RANBP3: variants seen among roughly 807,000 people sequenced by gnomAD.
The protein encoded by RANBP3 is RAN binding protein 3.
In RANBP3, 14 loss-of-function variants were observed where a neutral mutation model predicts 77.3. The ratio of observed to expected loss-of-function variants is 0.18; its 90% CI spans 0.12 to 0.28. RANBP3 has a LOEUF of 0.28. RANBP3 is among the 10% of genes least tolerant of loss of function. The pLI, the probability that RANBP3 is intolerant of heterozygous loss-of-function variation, is 1.00. For synonymous variants in RANBP3, 315 were observed against 312.4 expected, an observed-to-expected ratio of 1.01 and a Z score of -0.09; for missense variants, 586 against 752.3, an observed-to-expected ratio of 0.78 and a Z score of 2.59.
intron 1 of RANBP3, among the ~76,000 whole-genome samples, chr19:5,961,509 G>A (rs2058401629): frequency 6.6e-6 from 1 of 152,112 alleles, no homozygotes; most frequent in African/African-American, 2.4e-5. Flanking sequence ...GAGGCGGGAG[G>A]ATCACCTGAG....
intron 11 of RANBP3, 46 bp from the exon 12 acceptor site, chr19:5,923,960 C>T: frequency 2.8e-6 from 4 of 1,441,506 alleles, no homozygotes; most frequent in Non-Finnish European, 3.9e-6. Flanking sequence ...CTTGTGTGGT[C>T]CTTCAGCAGC....
At chr19:5,973,691 CTT>C (rs1484120482) in intron 1 of RANBP3, among the ~76,000 whole-genome samples, 1 of 152,250 alleles carries the variant, frequency 6.6e-6, no homozygotes, top group African/African-American at 2.4e-5. Flanking sequence ...ACAATGGAGA[CTT>C]TGCTGAACCC....
At chr19:5,972,200 T>C (rs1372524810) in intron 1 of RANBP3, among the ~76,000 whole-genome samples, 2 of 152,226 alleles carry the variant, frequency 1.3e-5, no homozygotes, top group African/African-American at 4.8e-5. Context: ...ACAGACACCC[T>C]AGAACTCCTG....
intron 12 of RANBP3, among the ~76,000 whole-genome samples, chr19:5,923,608 G>T (rs142170946): frequency 2.6e-5 from 4 of 152,162 alleles, no homozygotes; most frequent in African/African-American, 9.6e-5. Context: ...CCCTCCCCAC[G>T]GCCACAAGGC....
In RANBP3 at chr19:5,917,769, C is replaced by G. The variant is rs560951828; in HGVS notation, c.1660+25G>C. 15 of 1,596,620 alleles carry G rather than the reference C, an allele frequency of 9.4e-6. No individual in the cohort carries two copies. The East Asian group carries it at 1.3e-4, about 14-fold the overall frequency. The stretch of plus-strand genomic sequence containing the variant: ...TGGCGGGCAGCTCTTTCTATCCCCC[C>G]CAGGGTAGGGACCACCCGACTCACC... On this transcript the variant is annotated intron_variant, in intron 16 of 16. Transcript: ENST00000340578.
At chr19:5,937,242 T>C (rs895577089) in intron 5 of RANBP3, among the ~76,000 whole-genome samples, 2 of 151,934 alleles carry the variant, frequency 1.3e-5, no homozygotes, top group African/African-American at 2.4e-5. Context: ...AAAGTAGCTT[T>C]ACAGTGGTGA....
Position 5,949,240 on chromosome 19 carries a change from G to T in RANBP3, c.282+2153C>A, listed in dbSNP as rs188606581. ...AATTTCTTCTGATGCAAACGAAAAC[G>T]GTCTGAGTTCACACACACGAAAAAG... On this transcript the variant is annotated intron_variant, in intron 3 of 16. Coordinates refer to ENST00000340578, the MANE Select transcript of RANBP3 (RefSeq NM_007322.3). Among the ~76,000 whole-genome samples, 7 of 152,314 alleles carry T rather than the reference G, an allele frequency of 4.6e-5. No individual in the cohort carries two copies. The South Asian group carries it at 8.3e-4, about 18-fold the overall frequency.
chr19:5,968,097 C>T (rs1242689680), intron 1 of RANBP3, among the ~76,000 whole-genome samples: 4 of 152,150 alleles, frequency 2.6e-5, no homozygotes, highest in Admixed American at 6.5e-5. Flanking sequence ...TTTTCTGTTC[C>T]GCCACTAGGT....
Position 5,917,810 on chromosome 19 carries a change from T to G in RANBP3, c.1644A>C (p.Ser548=). The G allele has an allele frequency of 6.2e-7, 1 of 1,610,632 alleles. No individual in the cohort carries two copies. The highest frequency in any genetic ancestry group is 2.2e-5 in the East Asian group (1 of 44,850). The part of the protein sequence containing the change: ...DSDDDDVLAP[S]GATAAGAGDE... ...CCGACTCACCAGCTGCGGTGGCCCCTGAAGGAGCCAGGACATCGTCATCGT... is the reference window on the plus strand; with the variant it reads ...CCGACTCACCAGCTGCGGTGGCCCCGGAAGGAGCCAGGACATCGTCATCGT... The change falls in exon 16 of 17, where the codon TCA becomes TCC. Residue 548 remains serine, a synonymous_variant. Transcript: ENST00000340578.
chr19:5,957,908 G>A lies in RANBP3; in HGVS notation c.78+10C>T, dbSNP rs779760171. On this transcript the variant is annotated intron_variant, in intron 2 of 16. Transcript: ENST00000340578. ...TAACGAAGTGAAGAGAGAACGTACCGGCCCCTTACCTTTTGTCCTTTATCC... is the reference window on the plus strand; with the variant it reads ...TAACGAAGTGAAGAGAGAACGTACCAGCCCCTTACCTTTTGTCCTTTATCC... 5.0e-6 allele frequency: 8 copies of A among 1,613,846 alleles called. No individual in the cohort carries two copies. The South Asian group carries it at 5.5e-5, about 11-fold the overall frequency.
chr19:5,923,419 C>A, intron 12 of RANBP3, 116 bp from the exon 13 acceptor site: 1 of 990,314 alleles, frequency 1.0e-6, no homozygotes, highest in East Asian at 2.5e-5. Context: ...CCTGCTGCCC[C>A]TGGCAGGCCT....
Position 5,951,532 on chromosome 19 carries a change from G to A in RANBP3, c.143C>T (p.Pro48Leu). The change falls in exon 3 of 17, where the codon CCC (proline) becomes CTC (leucine). Residue 48 changes from proline (P) to leucine (L), a missense_variant. Coordinates refer to ENST00000340578, the MANE Select transcript of RANBP3 (RefSeq NM_007322.3). ...GEEPRGEAEA[P>L]HHGTGHPESA... ...CTCGGGGTGACCCGTGCCATGGTGG[G>A]GGGCCTCAGCCTCCCCCCGAGGCTC... The A allele has an allele frequency of 1.9e-6, 3 of 1,612,504 alleles. No individual in the cohort carries two copies. The highest frequency in any genetic ancestry group is 2.5e-6 in the Non-Finnish European group (3 of 1,179,182).
At chr19:5,961,658 G>A (rs1231104460) in intron 1 of RANBP3, among the ~76,000 whole-genome samples, 1 of 152,082 alleles carries the variant, frequency 6.6e-6, no homozygotes, top group African/African-American at 2.4e-5. Context: ...ACTTGAACCT[G>A]GGACGCAGAG....
At position 5,924,015 on chromosome 19, in the gene RANBP3, C is replaced by A; in HGVS notation, c.997-101G>T. On this transcript the variant is annotated intron_variant, in intron 11 of 16. Coordinates refer to ENST00000340578, the MANE Select transcript of RANBP3 (RefSeq NM_007322.3). This position sits in a 1 kb window ranked among gnomAD's most constrained non-coding sequence, Gnocchi z 4.7. The stretch of plus-strand genomic sequence containing the variant: ...CCTGGCCCCCAACACTACGCTGCCC[C>A]CAGCACTCCTGCCCACTCCCGGTGA... 1.1e-6 allele frequency: 1 copy of A among 887,512 alleles called. No homozygotes were observed. Among genetic ancestry groups the A allele is most frequent in the East Asian group, 2.6e-5 (1 of 38,278 alleles). The allele number at this position is 887,512 out of a possible 1,614,324, so 55.0% of individuals were successfully genotyped here. A position where few individuals can be genotyped will look rare whatever the true frequency, so the allele number is the denominator to read the frequency against.
chr19:5,960,940 G>A (rs759115598), intron 1 of RANBP3, among the ~76,000 whole-genome samples: 1 of 152,198 alleles, frequency 6.6e-6, no homozygotes, highest in Non-Finnish European at 1.5e-5. Context: ...GGAAGGGGAC[G>A]TGAGGGTCAA....
chr19:5,935,799 A>G (rs2058056889), intron 5 of RANBP3: 1 of 456,614 alleles, frequency 2.2e-6, no homozygotes, highest in Non-Finnish European at 4.4e-6. Flanking sequence ...GCTCCACGAA[A>G]ACAAGGGTGG....
At chr19:5,948,712 C>T (rs1183512847) in intron 3 of RANBP3, among the ~76,000 whole-genome samples, 1 of 152,084 alleles carries the variant, frequency 6.6e-6, no homozygotes, top group Non-Finnish European at 1.5e-5. Flanking sequence ...AGGGTCAAAT[C>T]CTGTGCAGGG....
chr19:5,973,162 C>A (rs888285943), intron 1 of RANBP3, among the ~76,000 whole-genome samples: 2 of 152,176 alleles, frequency 1.3e-5, no homozygotes, highest in Admixed American at 6.5e-5. Flanking sequence ...AATAAATTCA[C>A]GAGAAACTTT....
At position 5,952,102 on chromosome 19, in the gene RANBP3, G is replaced by A. The variant is rs940413362; in HGVS notation, c.79-506C>T. On this transcript the variant is annotated intron_variant, in intron 2 of 16. Transcript: ENST00000340578. The surrounding 1 kb of genome is among the most constrained non-coding windows in gnomAD (Gnocchi z 4.1). Reference sequence around the variant, plus strand: ...GGCTTCTGCCTCTCGCCGGGGTCAAGGGCTTCTGCCTCTCACTACAGTTCT... The same window carrying A: ...GGCTTCTGCCTCTCGCCGGGGTCAAAGGCTTCTGCCTCTCACTACAGTTCT... Among the ~76,000 whole-genome samples the A allele has an allele frequency of 3.9e-5, 6 of 151,932 alleles. No individual in the cohort carries two copies. The highest frequency in any genetic ancestry group is 1.5e-4 in the African/African-American group (6 of 41,210).
Sources: gnomAD v4.1 joint callset for allele counts (sites outside exome capture counted in the v4.1 genomes callset) on GRCh38, gnomAD v4.1.1 for gene constraint, Gnocchi (gnomAD v3.1) non-coding constraint, MANE v1.5 for transcripts, NCBI Gene and HGNC (gene_info 2026-07-23, HGNC 2026-07-21) for gene names.